RAB7A: variants seen among roughly 807,000 people sequenced by gnomAD.
RAB7A encodes the protein ras-related protein Rab-7a.
Under a neutral mutation model 24.5 loss-of-function variants are expected in RAB7A, and 2 were observed. That is an observed-to-expected ratio of 0.08 (90% CI 0.03 to 0.26). The LOEUF is 0.26. RAB7A is among the 10% of genes least tolerant of loss of function. The pLI is 1.00. For synonymous variants in RAB7A, 100 were observed against 95.9 expected (o/e 1.04, Z -0.25); for missense variants, 118 against 255.7 (o/e 0.46, Z 3.67).
intron 1 of RAB7A, among the ~76,000 whole-genome samples, chr3:128,750,793 A>C (rs1019943941): frequency 6.6e-6 from 1 of 152,240 alleles, no homozygotes; most frequent in African/African-American, 2.4e-5. Context: ...AGGGCATGTC[A>C]GAGGTCCTCA....
intron 5 of RAB7A, among the ~76,000 whole-genome samples, chr3:128,810,438 T>TG (rs1385975083): frequency 6.6e-6 from 1 of 152,190 alleles, no homozygotes; most frequent in Non-Finnish European, 1.5e-5. Context: ...CCCCACAGCC[T>TG]GGGAGGGTCC....
At position 128,784,667 on chromosome 3, in the gene RAB7A, G is replaced by A. The variant is rs138085413; in HGVS notation, c.-8-10693G>A. On this transcript the variant is annotated intron_variant, in intron 1 of 5. Transcript: ENST00000265062. ...CCTCCAAGTAAGGCCTTGCATGTGCGTTCTTTAAGGAAAACTGTTTGTTCC... is the reference window on the plus strand; with the variant it reads ...CCTCCAAGTAAGGCCTTGCATGTGCATTCTTTAAGGAAAACTGTTTGTTCC... Among the ~76,000 whole-genome samples the A allele has an allele frequency of 3.1e-3, 469 of 152,234 alleles. 1 individual carries two copies. The highest frequency in any genetic ancestry group is 0.01 in the African/African-American group (431 of 41,528).
At chr3:128,772,646 C>T (rs910660922) in intron 1 of RAB7A, among the ~76,000 whole-genome samples, 2 of 152,232 alleles carry the variant, frequency 1.3e-5, no homozygotes, top group Non-Finnish European at 2.9e-5. Flanking sequence ...TGTGCCCTTT[C>T]GCAAATTGTT....
At chr3:128,798,806 C>T (rs961402218) in intron 3 of RAB7A, 6 of 220,860 alleles carry the variant, frequency 2.7e-5, no homozygotes, top group Non-Finnish European at 5.0e-5. Flanking sequence ...TGGAGTGAGA[C>T]CCTGTCTCTA....
At chr3:128,795,565 A>G (rs950454609) in intron 2 of RAB7A, 145 bp downstream of exon 2, 3 of 771,414 alleles carry the variant, frequency 3.9e-6, no homozygotes, top group Non-Finnish European at 7.0e-6. Flanking sequence ...AGAAATTTAG[A>G]TGATCCCTTG....
intron 1 of RAB7A, among the ~76,000 whole-genome samples, chr3:128,779,805 T>G (rs989404260): frequency 3.3e-5 from 5 of 152,182 alleles, no homozygotes; most frequent in Admixed American, 6.5e-5. Context: ...CAGGCTGGTC[T>G]CGAAACTCCT....
chr3:128,813,649 C>A lies in RAB7A; in HGVS notation c.*227C>A. 2 of 568,782 alleles carry A rather than the reference C, an allele frequency of 3.5e-6. No homozygotes were observed. Among genetic ancestry groups the A allele is most frequent in the South Asian group, 3.6e-5 (2 of 55,122 alleles). The allele number at this position is 568,782 out of a possible 1,614,324, so 35.2% of individuals were successfully genotyped here. A position where few individuals can be genotyped will look rare whatever the true frequency, so the allele number is the denominator to read the frequency against. On this transcript the variant is annotated 3_prime_UTR_variant, in exon 6 of 6. Transcript: ENST00000265062. The stretch of plus-strand genomic sequence containing the variant: ...TGACGTAATCAAACTCCAGCCCTTG[C>A]CCGTGATGGCTCCTTGGGGTCTGCC...
At chr3:128,785,206 C>T (rs568973056) in intron 1 of RAB7A, 3 of 152,018 alleles carry the variant, frequency 2.0e-5, no homozygotes, top group South Asian at 2.1e-4. Context: ...GGCAGGAGGT[C>T]ACTTGAGCCA....
intron 1 of RAB7A, among the ~76,000 whole-genome samples, chr3:128,727,398 G>A (rs185374849): frequency 0.041 from 6,315 of 152,274 alleles, 178 homozygotes; most frequent in Non-Finnish European, 0.058. Flanking sequence ...GAAGCTTGCT[G>A]GTTTATCTTT....
chr3:128,758,275 T>G (rs1406556922), intron 1 of RAB7A, among the ~76,000 whole-genome samples: 4 of 54,292 alleles, frequency 7.4e-5, no homozygotes, highest in African/African-American at 3.0e-4. Flanking sequence ...TGTTTTTTTG[T>G]TTTTTTTTTT....
At chr3:128,751,756 G>A (rs2107591617) in intron 1 of RAB7A, among the ~76,000 whole-genome samples, 1 of 152,308 alleles carries the variant, frequency 6.6e-6, no homozygotes, top group African/African-American at 2.4e-5. Context: ...ATTTGGGAAT[G>A]GCCAGGGGCA....
intron 3 of RAB7A, among the ~76,000 whole-genome samples, chr3:128,801,164 A>G (rs190786165): frequency 1.3e-5 from 2 of 152,332 alleles, no homozygotes; most frequent in East Asian, 1.9e-4. Context: ...AATCCTAGAG[A>G]TGTGTACAGC....
chr3:128,801,884 C>G (rs1045704567), intron 3 of RAB7A, among the ~76,000 whole-genome samples: 1 of 151,950 alleles, frequency 6.6e-6, no homozygotes, highest in African/African-American at 2.4e-5. Context: ...AAAAAAAAGA[C>G]TTAAAAATAG....
At chr3:128,729,102 G>T (rs1030394614) in intron 1 of RAB7A, among the ~76,000 whole-genome samples, 1 of 152,154 alleles carries the variant, frequency 6.6e-6, no homozygotes, top group Non-Finnish European at 1.5e-5. Context: ...CTTCTAGGTA[G>T]TTAGCAACCA....
At chr3:128,741,163 C>T (rs1412886660) in intron 1 of RAB7A, among the ~76,000 whole-genome samples, 1 of 151,508 alleles carries the variant, frequency 6.6e-6, no homozygotes, top group Non-Finnish European at 1.5e-5. Flanking sequence ...GGTTCTTGTA[C>T]CTCACCTCTC....
intron 1 of RAB7A, among the ~76,000 whole-genome samples, chr3:128,766,971 T>C (rs2070838130): frequency 6.6e-6 from 1 of 152,120 alleles, no homozygotes; most frequent in Non-Finnish European, 1.5e-5. Context: ...GTTTTCTGTT[T>C]TTTTTTTTAA....
chr3:128,764,997 C>G, intron 1 of RAB7A: 1 of 1,591,576 alleles, frequency 6.3e-7, no homozygotes, highest in Non-Finnish European at 8.5e-7. Context: ...GGCGCACCTG[C>G]GAGGTGGACG....
At chr3:128,736,157 CT>C (rs774755621) in intron 1 of RAB7A, among the ~76,000 whole-genome samples, 6,646 of 143,686 alleles carry the variant, frequency 0.046, 169 homozygotes, top group Non-Finnish European at 0.063. Context: ...TGATTTGTCT[CT>C]TTTTTTTTTT....
At chr3:128,749,463 C>T (rs1184696259) in intron 1 of RAB7A, 3 of 152,168 alleles carry the variant, frequency 2.0e-5, no homozygotes, top group Admixed American at 6.5e-5. Flanking sequence ...CTACCCCGGC[C>T]GATGGTCTTG....
Sources: gnomAD v4.1 joint callset for allele counts (sites outside exome capture counted in the v4.1 genomes callset) on GRCh38, gnomAD v4.1.1 for gene constraint, MANE v1.5 for transcripts, NCBI Gene and HGNC (gene_info 2026-07-23, HGNC 2026-07-21) for gene names.